ANKS1B: variants seen among roughly 807,000 people sequenced by gnomAD.
ANKS1B encodes ankyrin repeat and sterile alpha motif domain-containing protein 1B.
Under a neutral mutation model 148.3 loss-of-function variants are expected in ANKS1B, and 36 were observed. The observed-to-expected ratio is 0.24, with a 90% CI of 0.19 to 0.32. The LOEUF (loss-of-function observed/expected upper bound fraction) is 0.32. Ranked by LOEUF, ANKS1B falls within the 10% of genes least tolerant of loss-of-function variation. The pLI, the probability that ANKS1B is intolerant of heterozygous loss-of-function variation, is 1.00. For synonymous variants in ANKS1B, 542 were observed against 560.8 expected (o/e 0.97, Z 0.47); for missense variants, 1,157 against 1,542.6 (o/e 0.75, Z 4.19).
chr12:98,924,742 A>G (rs1374588737), intron 17 of ANKS1B, among the ~76,000 whole-genome samples: 4 of 152,192 alleles, frequency 2.6e-5, no homozygotes, highest in African/African-American at 7.2e-5. Context: ...ACGTTTGGAA[A>G]ATAATTCAGA....
In ANKS1B at chr12:99,115,422, A is replaced by T. The variant is rs541015849; in HGVS notation, c.2527-30399T>A. 4.7e-4 allele frequency among the ~76,000 whole-genome samples: 71 copies of T among 152,266 alleles called. 1 individual carries two copies. Among genetic ancestry groups the T allele is most frequent in the African/African-American group, 1.7e-3 (70 of 41,552 alleles). On this transcript the variant is annotated intron_variant, in intron 15 of 26. Transcript: ENST00000683438. ...TTGTAAGTGGGAGCTAAATTATGAG[A>T]ACTCATGAACACAAAGAAGAGAATA...
chr12:99,686,496 G>C (rs2098650142), intron 8 of ANKS1B, among the ~76,000 whole-genome samples: 1 of 152,170 alleles, frequency 6.6e-6, no homozygotes, highest in African/African-American at 2.4e-5. Context: ...CTGGTTCTGA[G>C]TGCTGCCTGA....
rs569283540 is a variant in ANKS1B at position 98,822,277 on chromosome 12, A to AT, written c.3066+6896dup. On this transcript the variant is annotated intron_variant, in intron 19 of 26. Coordinates refer to ENST00000683438, the MANE Select transcript of ANKS1B (RefSeq NM_001352186.2). ...CTAGATGTTAAAAAACCTTCTTTTTATTTTTTTTACCACTGGAAAAAGAAA... is the reference window on the plus strand; with the variant it reads ...CTAGATGTTAAAAAACCTTCTTTTTATTTTTTTTTACCACTGGAAAAAGAAA... 5.9e-5 allele frequency among the ~76,000 whole-genome samples: 9 copies of AT among 151,938 alleles called. No homozygotes were observed. In the South Asian group the frequency reaches 1.0e-3, roughly 18 times the overall value.
intron 14 of ANKS1B, among the ~76,000 whole-genome samples, chr12:99,157,033 C>T (rs2076136527): frequency 6.6e-6 from 1 of 152,112 alleles, no homozygotes; most frequent in South Asian, 2.1e-4. Flanking sequence ...TCATCCTCAT[C>T]CACTTTTTGA....
intron 17 of ANKS1B, among the ~76,000 whole-genome samples, chr12:98,867,706 CA>C (rs1419734839): frequency 6.6e-5 from 10 of 151,804 alleles, no homozygotes; most frequent in African/African-American, 2.4e-4. Flanking sequence ...ACTAAAAATA[CA>C]GAAAATTAGT....
chr12:99,803,144 G>T (rs1292888002), intron 4 of ANKS1B, among the ~76,000 whole-genome samples: 3 of 151,844 alleles, frequency 2.0e-5, no homozygotes, highest in Non-Finnish European at 2.9e-5. Flanking sequence ...ACAATTTGAG[G>T]CTACTAGCTA....
At chr12:99,678,588 G>T (rs571096021) in intron 8 of ANKS1B, among the ~76,000 whole-genome samples, 1 of 151,944 alleles carries the variant, frequency 6.6e-6, no homozygotes, top group East Asian at 1.9e-4. Context: ...CTGTAGTGTT[G>T]GGCTAAGTAC....
At chr12:99,970,755 A>G (rs1303661255) in intron 1 of ANKS1B, among the ~76,000 whole-genome samples, 1 of 152,076 alleles carries the variant, frequency 6.6e-6, no homozygotes, top group Non-Finnish European at 1.5e-5. Flanking sequence ...GAAAATTCCT[A>G]TTCATCCCAC....
intron 19 of ANKS1B, among the ~76,000 whole-genome samples, chr12:98,815,927 G>A: frequency 6.6e-6 from 1 of 152,124 alleles, no homozygotes; most frequent in East Asian, 1.9e-4. Context: ...ATGAAAGCCA[G>A]GTCATTCCAC....
intron 17 of ANKS1B, among the ~76,000 whole-genome samples, chr12:98,985,141 C>G (rs375432596): frequency 6.6e-5 from 10 of 152,250 alleles, no homozygotes; most frequent in African/African-American, 1.9e-4. Flanking sequence ...TTGAGACAGT[C>G]TCACTCTGTT....
At position 98,979,996 on chromosome 12, in the gene ANKS1B, T is replaced by C. The variant is rs906878938; in HGVS notation, c.2778+73161A>G. On this transcript the variant is annotated intron_variant, in intron 17 of 26. Coordinates refer to ENST00000683438, the MANE Select transcript of ANKS1B (RefSeq NM_001352186.2). Reference sequence around the variant, plus strand: ...ACTTCATTTTGGATGATTCTCTTACTATGTCTTCAAGTTCATGGGCTTTTT... The same window carrying C: ...ACTTCATTTTGGATGATTCTCTTACCATGTCTTCAAGTTCATGGGCTTTTT... 5.9e-5 allele frequency among the ~76,000 whole-genome samples: 9 copies of C among 152,364 alleles called. No individual in the cohort carries two copies. In the South Asian group the frequency reaches 1.4e-3, roughly 25 times the overall value.
chr12:98,795,696 A>C (rs1486323998), intron 22 of ANKS1B: 1 of 447,252 alleles, frequency 2.2e-6, no homozygotes, highest in African/African-American at 2.0e-5. Flanking sequence ...AAACAAAACA[A>C]AAAACAAAAC....
intron 9 of ANKS1B, among the ~76,000 whole-genome samples, chr12:99,604,937 A>G (rs1314682437): frequency 5.3e-5 from 8 of 152,034 alleles, no homozygotes; most frequent in Non-Finnish European, 1.2e-4. Context: ...AAGTAATCAA[A>G]GACTAATATG....
chr12:99,328,592 C>T (rs2086924259), intron 12 of ANKS1B, among the ~76,000 whole-genome samples: 1 of 151,654 alleles, frequency 6.6e-6, no homozygotes, highest in Non-Finnish European at 1.5e-5. Flanking sequence ...TAAAAAGACC[C>T]CAAAAGATCA....
intron 19 of ANKS1B, among the ~76,000 whole-genome samples, chr12:98,821,381 G>A (rs1053175438): frequency 6.6e-6 from 1 of 152,144 alleles, no homozygotes; most frequent in Non-Finnish European, 1.5e-5. Flanking sequence ...AGCAGCAGCG[G>A]CCTGGCTGTT....
At chr12:99,898,068 C>A (rs1008863305) in intron 1 of ANKS1B, among the ~76,000 whole-genome samples, 6 of 152,078 alleles carry the variant, frequency 3.9e-5, no homozygotes, top group Non-Finnish European at 5.9e-5. Context: ...GCTCTTAGCA[C>A]AGTATCTGGC....
chr12:99,805,284 A>AAAAAAAAAAAAAAAAAAAC (rs2067487327), intron 4 of ANKS1B, among the ~76,000 whole-genome samples: 1 of 149,062 alleles, frequency 6.7e-6, no homozygotes, highest in Admixed American at 6.7e-5. Context: ...AAAAAAAAAA[A>AAAAAAAAAAAAAAAAAAAC]AAAAGACTAA....
At chr12:98,958,922 A>G (rs1009312185) in intron 17 of ANKS1B, among the ~76,000 whole-genome samples, 4 of 152,326 alleles carry the variant, frequency 2.6e-5, no homozygotes, top group Middle Eastern at 3.4e-3. Context: ...GACTATCTTG[A>G]TTATGAAGCT....
intron 2 of ANKS1B, among the ~76,000 whole-genome samples, chr12:99,813,067 T>C (rs2068632906): frequency 6.6e-6 from 1 of 151,694 alleles, no homozygotes; most frequent in Admixed American, 6.6e-5. Context: ...TCTCCAAGCA[T>C]AAAAAATTAT....
Sources: gnomAD v4.1 joint callset for allele counts (sites outside exome capture counted in the v4.1 genomes callset) on GRCh38, gnomAD v4.1.1 for gene constraint, MANE v1.5 for transcripts, NCBI Gene and HGNC (gene_info 2026-07-23, HGNC 2026-07-21) for gene names.